The following ARMC1 variants were observed in gnomAD, a reference collection of about 807,000 sequenced individuals.
ARMC1 encodes armadillo repeat-containing protein 1.
A neutral mutation model predicts 31.4 loss-of-function variants in ARMC1; 16 were observed. The observed-to-expected ratio is 0.51, with a 90% CI of 0.34 to 0.77. The LOEUF (loss-of-function observed/expected upper bound fraction) is 0.77. Ranked by LOEUF, ARMC1 falls within the 30% of genes least tolerant of loss-of-function variation. ARMC1 has a pLI of 0.01. For missense variants in ARMC1, 259 were observed against 347.5 expected (o/e 0.75, Z 2.02); for synonymous variants, 114 against 118.9 (o/e 0.96, Z 0.27).
At chr8:65,633,518 C>T (rs1027689031) in intron 1 of ARMC1, among the ~76,000 whole-genome samples, 3 of 152,144 alleles carry the variant, frequency 2.0e-5, no homozygotes, top group African/African-American at 7.2e-5. Context: ...TTCTGCACTG[C>T]CCTGACACTT....
At chr8:65,623,558 G>A (rs1456955345) in intron 2 of ARMC1, among the ~76,000 whole-genome samples, 5 of 148,192 alleles carry the variant, frequency 3.4e-5, no homozygotes, top group South Asian at 4.3e-4. Flanking sequence ...GCAGTGAGCC[G>A]AGATCACACA....
intron 3 of ARMC1, among the ~76,000 whole-genome samples, chr8:65,615,723 TAAATAAAATA>T (rs375105116): frequency 2.0e-5 from 3 of 151,508 alleles, no homozygotes; most frequent in African/African-American, 4.8e-5. Flanking sequence ...AAAAAATGAA[TAAATAAAATA>T]AAATAAAATA....
rs1047504410 is a variant in ARMC1, at chr8:65,623,106, G to A, written c.184-752C>T. Among the ~76,000 whole-genome samples the A allele has an allele frequency of 4.0e-5, 6 of 148,728 alleles. 1 individual carries two copies. Among genetic ancestry groups the A allele is most frequent in the South Asian group, 4.2e-4 (2 of 4,706 alleles). ...GGGTGGGTCACGAGGTCAGGGGTTC[G>A]AGACCAGCCTGACCAACATGGTGAA... On this transcript the variant is annotated intron_variant, in intron 2 of 6. Transcript: ENST00000276569.
At chr8:65,616,557 C>T (rs1171532343) in intron 3 of ARMC1, among the ~76,000 whole-genome samples, 3 of 152,106 alleles carry the variant, frequency 2.0e-5, no homozygotes, top group African/African-American at 7.2e-5. Context: ...GCCGCCACCC[C>T]GTCTGGGAAG....
At chr8:65,615,290 T>C (rs184703012) in intron 3 of ARMC1, among the ~76,000 whole-genome samples, 2 of 152,212 alleles carry the variant, frequency 1.3e-5, no homozygotes, top group East Asian at 1.9e-4. Flanking sequence ...ATAGCTATTT[T>C]AGAGTTTATT....
intron 3 of ARMC1, among the ~76,000 whole-genome samples, chr8:65,617,474 A>G (rs1406740140): frequency 1.3e-5 from 2 of 152,156 alleles, no homozygotes; most frequent in Non-Finnish European, 2.9e-5. Context: ...CCATGGACAC[A>G]AACACTGCGG....
At chr8:65,614,388 C>T (rs568645853) in intron 3 of ARMC1, among the ~76,000 whole-genome samples, 17 of 152,170 alleles carry the variant, frequency 1.1e-4, no homozygotes, top group Non-Finnish European at 2.2e-4. Context: ...CATGAGGCTA[C>T]TGAGCACTTG....
At chr8:65,623,583 G>C (rs1486043381) in intron 2 of ARMC1, among the ~76,000 whole-genome samples, 3 of 151,790 alleles carry the variant, frequency 2.0e-5, no homozygotes, top group South Asian at 2.1e-4. Context: ...ACTCCAGCCT[G>C]GGCGACAGAG....
At chr8:65,609,548 G>C (rs1808076557) in intron 4 of ARMC1, among the ~76,000 whole-genome samples, 1 of 152,064 alleles carries the variant, frequency 6.6e-6, no homozygotes, top group Non-Finnish European at 1.5e-5. Context: ...CTGAGCCTAA[G>C]CACCTAAACA....
intron 4 of ARMC1, among the ~76,000 whole-genome samples, chr8:65,609,831 C>A (rs1329425005): frequency 7.2e-6 from 1 of 138,266 alleles, no homozygotes; most frequent in African/African-American, 2.7e-5. Flanking sequence ...GCACTCCAGC[C>A]TGGGGGACAG....
At chr8:65,606,086 G>A (rs1807995501) in intron 4 of ARMC1, among the ~76,000 whole-genome samples, 7 of 152,138 alleles carry the variant, frequency 4.6e-5, no homozygotes, top group Admixed American at 4.6e-4. Flanking sequence ...GGTTTGGCCA[G>A]GCACGGTGGC....
chr8:65,629,038 C>G (rs928930995), intron 1 of ARMC1, among the ~76,000 whole-genome samples: 4 of 151,286 alleles, frequency 2.6e-5, no homozygotes, highest in Admixed American at 1.3e-4. Context: ...CCTGTAATCT[C>G]AGCTACTCAG....
chr8:65,606,464 C>T (rs1563411428), intron 4 of ARMC1, among the ~76,000 whole-genome samples: 1 of 152,070 alleles, frequency 6.6e-6, no homozygotes. Context: ...AATTAGTGAG[C>T]ATTCAGTGTT....
rs1202995864 is a variant in ARMC1 at position 65,605,467 on chromosome 8, A to G, written c.537T>C (p.Ala179=). 1.2e-6 allele frequency: 2 copies of G among 1,614,050 alleles called. No homozygotes were observed. Among genetic ancestry groups the G allele is most frequent in the African/African-American group, 1.3e-5 (1 of 74,954 alleles). ...KGVISFTFQM[A]VQRCVVRIRS... is the part of the protein sequence containing the mutation. ...GGATTCGCACCACACACCTTTGAAC[A>G]GCCATTTGAAAAGTAAAGCTAATAA... The change falls in exon 5 of 7, where the codon GCT becomes GCC. Residue 179 remains alanine (A), a synonymous_variant. Transcript: ENST00000276569.
At chr8:65,625,609 C>T (rs1283384269) in intron 2 of ARMC1, among the ~76,000 whole-genome samples, 2 of 152,132 alleles carry the variant, frequency 1.3e-5, no homozygotes, top group Middle Eastern at 3.2e-3. Flanking sequence ...AGATCAACCC[C>T]CTCTTTCTTC....
At chr8:65,604,646 G>A (rs751254233) in intron 6 of ARMC1, 61 bp from the exon 7 acceptor site, 322 of 1,463,076 alleles carry the variant, frequency 2.2e-4, no homozygotes, top group Non-Finnish European at 2.8e-4. Flanking sequence ...TCTAATTACC[G>A]TGGTTATTCT....
At chr8:65,610,745 C>T (rs1164969955) in intron 4 of ARMC1, among the ~76,000 whole-genome samples, 1 of 151,970 alleles carries the variant, frequency 6.6e-6, no homozygotes, top group East Asian at 1.9e-4. Context: ...AGAAAACATG[C>T]TTCTATCTGG....
chr8:65,618,765 C>A (rs549109762), intron 3 of ARMC1, among the ~76,000 whole-genome samples: 1 of 152,074 alleles, frequency 6.6e-6, no homozygotes, highest in African/African-American at 2.4e-5. Context: ...AACTGTCGGG[C>A]CGGGGCGGTG....
chr8:65,608,436 C>A (rs538774798), intron 4 of ARMC1, among the ~76,000 whole-genome samples: 3 of 148,594 alleles, frequency 2.0e-5, no homozygotes, highest in Admixed American at 1.3e-4. Context: ...GGCTGAGGCA[C>A]GAGAATTACT....
Sources: gnomAD v4.1 joint callset for allele counts (sites outside exome capture counted in the v4.1 genomes callset) on GRCh38, gnomAD v4.1.1 for gene constraint, MANE v1.5 for transcripts, NCBI Gene and HGNC (gene_info 2026-07-23, HGNC 2026-07-21) for gene names.